Variants in TXNDC16 observed in about 807,000 individuals in gnomAD.
The protein encoded by TXNDC16 is thioredoxin domain containing 16.
In TXNDC16, 74 loss-of-function variants were observed where a neutral mutation model predicts 85.6. The ratio of observed to expected loss-of-function variants is 0.86; its 90% CI spans 0.72 to 1.05. TXNDC16 has a LOEUF of 1.05. Among genes scored for constraint, TXNDC16 ranks in the 50% least tolerant of loss-of-function variants. The pLI, the probability that TXNDC16 is intolerant of heterozygous loss-of-function variation, is 0.00. For missense variants in TXNDC16, 959 were observed against 947.0 expected (o/e 1.01, Z -0.17); for synonymous variants, 335 against 326.5 (o/e 1.03, Z -0.28).
At chr14:52,503,557 C>T (rs1353604480) in intron 9 of TXNDC16, among the ~76,000 whole-genome samples, 1 of 152,226 alleles carries the variant, frequency 6.6e-6, no homozygotes, top group East Asian at 1.9e-4. Context: ...GACATCCACA[C>T]CAAAACCCCA....
At chr14:52,538,816 GGAAGAA>G (rs992615369) in intron 4 of TXNDC16, among the ~76,000 whole-genome samples, 1 of 152,066 alleles carries the variant, frequency 6.6e-6, no homozygotes, top group Non-Finnish European at 1.5e-5. Flanking sequence ...TGGGATTTGA[GGAAGAA>G]GAAGAAGAAC....
chr14:52,481,166 C>A, intron 14 of TXNDC16, among the ~76,000 whole-genome samples: 1 of 151,570 alleles, frequency 6.6e-6, no homozygotes, highest in Non-Finnish European at 1.5e-5. Context: ...ATAAGAAAGA[C>A]AAAATGGACT....
At chr14:52,482,785 C>G in intron 13 of TXNDC16, 37 bp downstream of exon 13, 1 of 1,537,586 alleles carries the variant, frequency 6.5e-7, no homozygotes, top group South Asian at 1.3e-5. Context: ...TTTTAAATGT[C>G]CTAATATGTA....
intron 18 of TXNDC16, among the ~76,000 whole-genome samples, chr14:52,453,364 T>TA (rs1161362064): frequency 1.3e-5 from 2 of 152,214 alleles, no homozygotes; most frequent in African/African-American, 4.8e-5. Context: ...ACCAAAGAGA[T>TA]ATCTGCACTC....
intron 9 of TXNDC16, among the ~76,000 whole-genome samples, chr14:52,492,476 G>T (rs2036430357): frequency 6.6e-6 from 1 of 152,126 alleles, no homozygotes; most frequent in Admixed American, 6.5e-5. Flanking sequence ...TTCCACCATA[G>T]ATGTCTCCCA....
intron 6 of TXNDC16, among the ~76,000 whole-genome samples, chr14:52,523,938 G>A (rs2037268262): frequency 6.6e-6 from 1 of 152,186 alleles, no homozygotes; most frequent in African/African-American, 2.4e-5. Flanking sequence ...ATAAAAATTT[G>A]CAGTTTGGAG....
At chr14:52,453,083 G>C (rs892118990) in intron 18 of TXNDC16, among the ~76,000 whole-genome samples, 3 of 152,132 alleles carry the variant, frequency 2.0e-5, no homozygotes, top group African/African-American at 7.2e-5. Context: ...ATGAAAAGGT[G>C]CTCAACATCA....
chr14:52,433,780 C>CA (rs1442244942), intron 20 of TXNDC16, among the ~76,000 whole-genome samples: 1 of 152,130 alleles, frequency 6.6e-6, no homozygotes, highest in African/African-American at 2.4e-5. Context: ...TTAGCAGGTT[C>CA]AAAAGTGACA....
chr14:52,542,359 A>G lies in TXNDC16; in HGVS notation c.243+12T>C. On this transcript the variant is annotated intron_variant, in intron 4 of 20. Coordinates refer to ENST00000281741, the MANE Select transcript of TXNDC16 (RefSeq NM_020784.3). ...CGTCACTAATATTTTAGTAACATAA[A>G]TATCTTTCTACCTTGGCAACTGAAA... 6.3e-7 allele frequency: 1 copy of G among 1,577,836 alleles called. No homozygotes were observed.
At chr14:52,503,583 C>A (rs1445285958) in intron 9 of TXNDC16, among the ~76,000 whole-genome samples, 1 of 152,154 alleles carries the variant, frequency 6.6e-6, no homozygotes, top group African/African-American at 2.4e-5. Context: ...ATATCACCAT[C>A]ATCAAAGACC....
chr14:52,501,698 C>T (rs908454889), intron 9 of TXNDC16, among the ~76,000 whole-genome samples: 1 of 152,194 alleles, frequency 6.6e-6, no homozygotes, highest in Non-Finnish European at 1.5e-5. Context: ...TGGGACCTCT[C>T]TATCTCATTC....
In TXNDC16 at chr14:52,439,193, A is replaced by G. The variant is rs1440322966; in HGVS notation, c.2194+11T>C. ...CAGAACTACATGTATTAAACAAAACAGAAAACTTACTGATATGATTTTCTA... is the reference window on the plus strand; with the variant it reads ...CAGAACTACATGTATTAAACAAAACGGAAAACTTACTGATATGATTTTCTA... On this transcript the variant is annotated intron_variant, in intron 20 of 20. Transcript: ENST00000281741. 1 of 1,612,508 alleles carries G rather than the reference A, an allele frequency of 6.2e-7. No individual in the cohort carries two copies. The highest frequency in any genetic ancestry group is 8.5e-7 in the Non-Finnish European group (1 of 1,179,150).
chr14:52,439,282 G>C lies in TXNDC16; in HGVS notation c.2116C>G (p.Pro706Ala), dbSNP rs745524837. 1 of 1,614,052 alleles carries C rather than the reference G, an allele frequency of 6.2e-7. No individual in the cohort carries two copies. The change falls in exon 20 of 21, where the codon CCT (proline) becomes GCT (alanine). Residue 706 changes from proline (P) to alanine (A), a missense_variant. Coordinates refer to ENST00000281741, the MANE Select transcript of TXNDC16 (RefSeq NM_020784.3). Reference protein sequence around the residue: ...LHSGGQVFAFPSDQAIIEENL... With the variant: ...LHSGGQVFAFASDQAIIEENL... ...TCTTCAATTATAGCCTGGTCTGAAGGAAATGCAAATACTTGGCCACCTGAA... is the reference window on the plus strand; with the variant it reads ...TCTTCAATTATAGCCTGGTCTGAAGCAAATGCAAATACTTGGCCACCTGAA...
intron 9 of TXNDC16, among the ~76,000 whole-genome samples, chr14:52,505,702 A>G (rs1308681120): frequency 6.6e-6 from 1 of 152,232 alleles, no homozygotes; most frequent in Non-Finnish European, 1.5e-5. Flanking sequence ...AGAAGGCAAG[A>G]AATAACTAAG....
Position 52,537,586 on chromosome 14 carries a change from G to C in TXNDC16, c.317+13C>G, listed in dbSNP as rs2037732008. On this transcript the variant is annotated intron_variant, in intron 5 of 20. Coordinates refer to ENST00000281741, the MANE Select transcript of TXNDC16 (RefSeq NM_020784.3). ...CTTTGTATTTGTCCAGCACACTCAG[G>C]AAAATAGCTTACTTGAATAAATATG... 6.5e-7 allele frequency: 1 copy of C among 1,550,350 alleles called. No individual in the cohort carries two copies. Among genetic ancestry groups the C allele is most frequent in the Non-Finnish European group, 8.9e-7 (1 of 1,124,804 alleles).
At chr14:52,465,422 C>G in intron 16 of TXNDC16, among the ~76,000 whole-genome samples, 1 of 151,980 alleles carries the variant, frequency 6.6e-6, no homozygotes, top group South Asian at 2.1e-4. Context: ...GAAACCCCGT[C>G]TCTACTAAAA....
At chr14:52,490,306 C>T in intron 11 of TXNDC16, 85 bp downstream of exon 11, 1 of 928,978 alleles carries the variant, frequency 1.1e-6, no homozygotes, top group Non-Finnish European at 1.5e-6. Context: ...ACAGATTTTT[C>T]TATAATAAAA....
intron 4 of TXNDC16, 37 bp downstream of exon 4, chr14:52,542,334 C>T (rs1160764942): frequency 4.5e-6 from 6 of 1,347,002 alleles, no homozygotes; most frequent in Middle Eastern, 1.9e-4. Flanking sequence ...GTAAGATGTT[C>T]GTCACTAATA....
chr14:52,513,290 T>C (rs2036998919), intron 8 of TXNDC16, among the ~76,000 whole-genome samples: 1 of 152,170 alleles, frequency 6.6e-6, no homozygotes, highest in Admixed American at 6.6e-5. Flanking sequence ...ATTCAATAAA[T>C]ATTTGCTGAA....
Sources: gnomAD v4.1 joint callset for allele counts (sites outside exome capture counted in the v4.1 genomes callset) on GRCh38, gnomAD v4.1.1 for gene constraint, MANE v1.5 for transcripts, NCBI Gene and HGNC (gene_info 2026-07-23, HGNC 2026-07-21) for gene names.